Variants in ACCS observed in about 807,000 individuals in gnomAD.
The protein encoded by ACCS is 1-aminocyclopropane-1-carboxylate synthase-like protein 1.
A neutral mutation model predicts 59.8 loss-of-function variants in ACCS; 42 were observed. The ratio of observed to expected loss-of-function variants is 0.70; its 90% CI spans 0.55 to 0.91. The LOEUF (loss-of-function observed/expected upper bound fraction) is 0.91, where lower values mean the gene tolerates loss of function less well. Among genes scored for constraint, ACCS ranks in the 40% least tolerant of loss-of-function variants. The pLI is 0.00. For synonymous variants in ACCS, 230 were observed against 240.3 expected, an observed-to-expected ratio of 0.96 and a Z score of 0.40; for missense variants, 602 against 630.4, an observed-to-expected ratio of 0.95 and a Z score of 0.48.
In ACCS at chr11:44,067,695, A is replaced by T; in HGVS notation, c.68A>T (p.Asp23Val). The T allele has an allele frequency of 6.2e-7, 1 of 1,614,236 alleles. No homozygotes were observed. The highest frequency in any genetic ancestry group is 8.5e-7 in the Non-Finnish European group (1 of 1,180,038). The change falls in exon 2 of 15, where the codon GAC becomes GTC. Residue 23 changes from aspartate to valine, a missense_variant. Transcript: ENST00000263776. Reference sequence around the variant, plus strand: ...TGTCTGGGCCCCACCTGCATGCAGGACCTGGGCAGTAGCCATGGGGAAGAT... The same window carrying T: ...TGTCTGGGCCCCACCTGCATGCAGGTCCTGGGCAGTAGCCATGGGGAAGAT... ...TTCLGPTCMQ[D>V]LGSSHGEDLE...
At chr11:44,071,221 C>T (rs1434389802) in intron 2 of ACCS, 35 bp from the exon 3 acceptor site, 6 of 1,612,974 alleles carry the variant, frequency 3.7e-6, no homozygotes, top group Non-Finnish European at 3.4e-6. Flanking sequence ...ACCCCCCTGC[C>T]ATGCTAACTC....
intron 10 of ACCS, chr11:44,080,649 C>T (rs192768944): frequency 3.9e-6 from 1 of 257,530 alleles, no homozygotes; most frequent in African/African-American, 2.2e-5. Context: ...ATCATGAATG[C>T]TAAAAGGGAG....
In ACCS at chr11:44,083,682, T is replaced by C. The variant is rs1953743788; in HGVS notation, c.1409-13T>C. On this transcript the variant is annotated splice_polypyrimidine_tract_variant and intron_variant, in intron 14 of 14. Coordinates refer to ENST00000263776, the MANE Select transcript of ACCS (RefSeq NM_032592.4). Reference sequence around the variant, plus strand: ...CCATCAGTGCCAACTGGCCCCTCACTTCCCCTTCCCAGGGATGCAGAGGGT... The same window carrying C: ...CCATCAGTGCCAACTGGCCCCTCACCTCCCCTTCCCAGGGATGCAGAGGGT... The C allele has an allele frequency of 6.2e-7, 1 of 1,614,050 alleles. No homozygotes were observed. Among genetic ancestry groups the C allele is most frequent in the Non-Finnish European group, 8.5e-7 (1 of 1,180,026 alleles).
rs2074038 is a variant in ACCS at position 44,066,439 on chromosome 11, G to T, written c.-263G>T. ...CCTTGGCGCCGATCACACTTCCTCTGCCTGGAAACCTGGAGCCGTCTCTCG... is the reference window on the plus strand; with the variant it reads ...CCTTGGCGCCGATCACACTTCCTCTTCCTGGAAACCTGGAGCCGTCTCTCG... On this transcript the variant is annotated 5_prime_UTR_variant, in exon 1 of 15. Transcript: ENST00000263776. The T allele has an allele frequency of 0.087, 13,298 of 152,402 alleles. 856 individuals carry two copies. Among genetic ancestry groups the T allele is most frequent in the East Asian group, 0.27 (1,389 of 5,168 alleles). 9.4% of individuals were successfully genotyped at this position (152,402 alleles called of 1,614,324 possible).
At chr11:44,076,966 A>G (rs539263283) in intron 6 of ACCS, among the ~76,000 whole-genome samples, 2 of 152,290 alleles carry the variant, frequency 1.3e-5, no homozygotes, top group Non-Finnish European at 2.9e-5. Context: ...TTAATTCCCT[A>G]TCACCAGAAC....
Position 44,075,659 on chromosome 11 carries a change from T to C in ACCS, c.556+67T>C, listed in dbSNP as rs967258496. 1.3e-5 allele frequency: 20 copies of C among 1,567,456 alleles called. No individual in the cohort carries two copies. The African/African-American group carries it at 2.0e-4, about 16-fold the overall frequency. On this transcript the variant is annotated intron_variant, in intron 6 of 14. Coordinates refer to ENST00000263776, the MANE Select transcript of ACCS (RefSeq NM_032592.4). ...TGTGCTTGCAGGGTTCCCAGTTGCC[T>C]GGCCTCAAGGGCTGCAATAGTATGC...
At chr11:44,071,347 C>T (rs1953041989) in intron 3 of ACCS, 32 bp downstream of exon 3, 3 of 1,608,782 alleles carry the variant, frequency 1.9e-6, no homozygotes, top group African/African-American at 1.3e-5. Flanking sequence ...GGGGGCATCA[C>T]CAGCTCCGAG....
intron 8 of ACCS, chr11:44,078,471 T>C (rs3094391): frequency 0.29 from 140,534 of 480,394 alleles, 21,133 homozygotes; most frequent in East Asian, 0.32. Flanking sequence ...AACCTACTGG[T>C]ATTTGGGTAT....
rs755271658 is a variant in ACCS at position 44,067,702 on chromosome 11, C to T, written c.75C>T (p.Gly25=). The change falls in exon 2 of 15, where the codon GGC becomes GGT. Residue 25 remains glycine (G), a synonymous_variant. Transcript: ENST00000263776. ...CLGPTCMQDL[G]SSHGEDLEGE... ...GCCCCACCTGCATGCAGGACCTGGGCAGTAGCCATGGGGAAGATCTGGAAG... is the reference window on the plus strand; with the variant it reads ...GCCCCACCTGCATGCAGGACCTGGGTAGTAGCCATGGGGAAGATCTGGAAG... The T allele has an allele frequency of 2.5e-6, 4 of 1,614,218 alleles. No individual in the cohort carries two copies. The highest frequency in any genetic ancestry group is 3.4e-6 in the Non-Finnish European group (4 of 1,180,034).
At chr11:44,077,765 A>G in intron 7 of ACCS, 80 bp from the exon 8 acceptor site, 1 of 1,544,438 alleles carries the variant, frequency 6.5e-7, no homozygotes, top group Non-Finnish European at 8.8e-7. Flanking sequence ...ACAGGGGAGG[A>G]GAGGCCTGAG....
Position 44,078,466 on chromosome 11 carries a change from A to G in ACCS, c.733-218A>G, listed in dbSNP as rs1355312201. 35 of 476,300 alleles carry G rather than the reference A, an allele frequency of 7.3e-5. No individual in the cohort carries two copies. The Middle Eastern group carries it at 2.2e-3, about 30-fold the overall frequency. The allele number at this position is 476,300 out of a possible 1,614,324, so 29.5% of individuals were successfully genotyped here. A position where few individuals can be genotyped will look rare whatever the true frequency, so the allele number is the denominator to read the frequency against. Reference sequence around the variant, plus strand: ...AAAATTCTACCAACAAAGGTAACCTACTGGTATTTGGGTATATTTTTTCTC... The same window carrying G: ...AAAATTCTACCAACAAAGGTAACCTGCTGGTATTTGGGTATATTTTTTCTC... On this transcript the variant is annotated intron_variant, in intron 8 of 14. Coordinates refer to ENST00000263776, the MANE Select transcript of ACCS (RefSeq NM_032592.4).
intron 6 of ACCS, 136 bp from the exon 7 acceptor site, chr11:44,077,143 G>A (rs1415668897): frequency 1.1e-6 from 1 of 934,686 alleles, no homozygotes; most frequent in Non-Finnish European, 1.6e-6. Context: ...AAGTGTTTTG[G>A]GAGTTAAGAG....
chr11:44,068,029 C>A, intron 2 of ACCS, 114 bp downstream of exon 2: 1 of 1,173,312 alleles, frequency 8.5e-7, no homozygotes. Flanking sequence ...AGTTATGGTA[C>A]TCTGACCTCC....
chr11:44,075,807 G>T (rs1046685728), intron 6 of ACCS: 23 of 540,182 alleles, frequency 4.3e-5, no homozygotes, highest in Non-Finnish European at 7.5e-5. Flanking sequence ...CTTTCTCTCT[G>T]CCATGACCTT....
At position 44,081,184 on chromosome 11, in the gene ACCS, CG is replaced by C; in HGVS notation, c.978del (p.Met327CysfsTer78). 6.2e-7 allele frequency: 1 copy of C among 1,614,220 alleles called. No individual in the cohort carries two copies. The highest frequency in any genetic ancestry group is 1.3e-5 in the African/African-American group (1 of 75,054). ...TAGGGTGCTTCTTCCTGCAGGACTT[CG>C]GGATGTCTGGGCTCCGCTTTGGCAC... ...HVMWATSKDF[G>X]MSGLRFGTLY... On this transcript the variant is annotated frameshift_variant, in exon 12 of 15. Transcript: ENST00000263776. LOFTEE classifies it high-confidence loss of function.
chr11:44,075,830 C>G, intron 6 of ACCS: 1 of 496,170 alleles, frequency 2.0e-6, no homozygotes, highest in Non-Finnish European at 3.6e-6. Flanking sequence ...CTGCTTCATG[C>G]TCATAAGGTG....
intron 2 of ACCS, among the ~76,000 whole-genome samples, chr11:44,069,263 C>G (rs1163872018): frequency 6.6e-6 from 1 of 151,672 alleles, no homozygotes; most frequent in Non-Finnish European, 1.5e-5. Context: ...CGCTGTGACA[C>G]CCATGGAGTG....
In ACCS at chr11:44,083,741, A is replaced by G. The variant is rs1565186984; in HGVS notation, c.1455A>G (p.Ala485=). The part of the protein sequence containing the change: ...QQVLAGKSQV[A]EDPRPSQSQE... Reference sequence around the variant, plus strand: ...TGCTTGCAGGCAAATCCCAAGTGGCAGAAGACCCCCGTCCCTCTCAGAGCC... The same window carrying G: ...TGCTTGCAGGCAAATCCCAAGTGGCGGAAGACCCCCGTCCCTCTCAGAGCC... Residue 485 remains alanine, a synonymous_variant, in exon 15 of 15, where the codon GCA becomes GCG. Transcript: ENST00000263776. 6.2e-7 allele frequency: 1 copy of G among 1,614,040 alleles called. No homozygotes were observed. The highest frequency in any genetic ancestry group is 1.7e-4 in the Middle Eastern group (1 of 6,060).
rs1473827006 is a variant in ACCS, at chr11:44,081,191, T to C, written c.982T>C (p.Ser328Pro). ...CTTCTTCCTGCAGGACTTCGGGATG[T>C]CTGGGCTCCGCTTTGGCACGCTGTA... The part of the protein sequence containing the change: ...MWATSKDFGM[S>P]GLRFGTLYTE... Residue 328 changes from serine to proline, a missense_variant, in exon 12 of 15, where the codon TCT becomes CCT. Physicochemically the swap from Ser to Pro is moderately conservative, Grantham distance 74. Transcript: ENST00000263776. 2 of 1,614,230 alleles carry C rather than the reference T, an allele frequency of 1.2e-6. No homozygotes were observed. Among genetic ancestry groups the C allele is most frequent in the African/African-American group, 1.3e-5 (1 of 75,064 alleles).
Sources: gnomAD v4.1 joint callset for allele counts (sites outside exome capture counted in the v4.1 genomes callset) on GRCh38, gnomAD v4.1.1 for gene constraint, MANE v1.5 for transcripts, NCBI Gene and HGNC (gene_info 2026-07-23, HGNC 2026-07-21) for gene names.